Variants in ZSCAN25 observed in about 807,000 individuals in gnomAD.
The protein encoded by ZSCAN25 is zinc finger and SCAN domain containing 25, also known as zinc finger and SCAN domain-containing protein 25.
In ZSCAN25, 27 loss-of-function variants were observed where a neutral mutation model predicts 38.7. That is an observed-to-expected ratio of 0.70 (90% CI 0.51 to 0.96). The LOEUF (loss-of-function observed/expected upper bound fraction) is 0.96. ZSCAN25 is among the 40% of genes least tolerant of loss of function. The probability of loss-of-function intolerance (pLI) is 0.00; values close to 1 mark genes in which losing one functional copy is unlikely to be tolerated. For missense variants in ZSCAN25, 637 were observed against 705.9 expected, an observed-to-expected ratio of 0.90 and a Z score of 1.11; for synonymous variants, 273 against 277.7, an observed-to-expected ratio of 0.98 and a Z score of 0.17.
the ZSCAN25 span, chr7:99,660,403 T>A: frequency 6.7e-7 from 1 of 1,486,056 alleles, no homozygotes; most frequent in Admixed American, 2.4e-5. Flanking sequence ...GAATCAGTGA[T>A]TATGCTTTTT....
At chr7:99,713,637 T>C in the ZSCAN25 span, 20 of 1,516,842 alleles carry the variant, frequency 1.3e-5, no homozygotes, top group Non-Finnish European at 1.5e-5. Flanking sequence ...ATATAGCCCC[T>C]TGGAGACCAG....
chr7:99,623,321 G>A (rs1022283434), intron 6 of ZSCAN25, among the ~76,000 whole-genome samples: 7 of 152,172 alleles, frequency 4.6e-5, no homozygotes, highest in Non-Finnish European at 7.3e-5. Context: ...TGGTCTCTTT[G>A]GCCATACAGG....
the ZSCAN25 span, among the ~76,000 whole-genome samples, chr7:99,637,925 T>A: frequency 2.0e-5 from 3 of 151,882 alleles, no homozygotes; most frequent in Non-Finnish European, 4.4e-5. Context: ...TCTCTCGAAA[T>A]AAAAAAAATC....
the ZSCAN25 span, chr7:99,662,901 A>T: frequency 3.1e-6 from 5 of 1,613,242 alleles, no homozygotes; most frequent in East Asian, 8.9e-5. This position sits in a 1 kb window ranked among gnomAD's most constrained non-coding sequence, Gnocchi z 4.3. Flanking sequence ...AAAAGGAGAG[A>T]TTTCTTTGGC....
At chr7:99,643,739 G>A in the ZSCAN25 span, among the ~76,000 whole-genome samples, 1 of 151,882 alleles carries the variant, frequency 6.6e-6, no homozygotes, top group African/African-American at 2.4e-5. Flanking sequence ...CACTGGGGAA[G>A]GGAGTTGTGA....
At chr7:99,667,026 A>G in the ZSCAN25 span, 1 of 1,614,136 alleles carries the variant, frequency 6.2e-7, no homozygotes, top group Non-Finnish European at 8.5e-7. Flanking sequence ...TCCTCAGCTA[A>G]AGAGATGGCA....
chr7:99,676,018 C>T, the ZSCAN25 span: 2 of 1,028,388 alleles, frequency 1.9e-6, no homozygotes, highest in Non-Finnish European at 3.0e-6. Context: ...AAATGTGAAA[C>T]CTCAGAACTC....
At chr7:99,679,306 G>A in the ZSCAN25 span, among the ~76,000 whole-genome samples, 80 of 152,212 alleles carry the variant, frequency 5.3e-4, no homozygotes, top group Middle Eastern at 3.4e-3. Flanking sequence ...CCCCTGGTGC[G>A]TTATGTAAAT....
chr7:99,660,160 G>T, the ZSCAN25 span: 1 of 907,414 alleles, frequency 1.1e-6, no homozygotes, highest in Non-Finnish European at 1.3e-6. Context: ...TGTTGCTCAC[G>T]CTGGGAGCTG....
chr7:99,731,025 T>G, the ZSCAN25 span: 3 of 1,612,148 alleles, frequency 1.9e-6, no homozygotes, highest in East Asian at 6.7e-5. Flanking sequence ...TTTGCAATCA[T>G]AAGAAGCAAA....
At position 99,631,342 on chromosome 7, in the gene ZSCAN25, T is replaced by C. The variant is rs1807982594; in HGVS notation, c.*1322T>C. The C allele has an allele frequency of 6.1e-6, 6 of 984,756 alleles. No individual in the cohort carries two copies. Among genetic ancestry groups the C allele is most frequent in the Non-Finnish European group, 6.0e-6 (5 of 829,766 alleles). The allele number at this position is 984,756 out of a possible 1,614,324, so 61.0% of individuals were successfully genotyped here. A position where few individuals can be genotyped will look rare whatever the true frequency, so the allele number is the denominator to read the frequency against. On this transcript the variant is annotated 3_prime_UTR_variant, in exon 8 of 8. Coordinates refer to ENST00000394152, the MANE Select transcript of ZSCAN25 (RefSeq NM_145115.3). The stretch of plus-strand genomic sequence containing the variant: ...TGCCAAGTCAGGAAAAATAAAGATA[T>C]TTGTAGGCATTAAAAAAAAATACAT...
the ZSCAN25 span, among the ~76,000 whole-genome samples, chr7:99,678,700 T>C: frequency 2.0e-5 from 3 of 152,256 alleles, no homozygotes; most frequent in Non-Finnish European, 4.4e-5. Context: ...ATTTAAACCA[T>C]ATCAATTCAT....
rs1450303225 is a variant in ZSCAN25 at position 99,619,550 on chromosome 7, G to C, written c.-46-11G>C. 1 of 1,540,146 alleles carries C rather than the reference G, an allele frequency of 6.5e-7. No individual in the cohort carries two copies. Among genetic ancestry groups the C allele is most frequent in the African/African-American group, 1.4e-5 (1 of 72,686 alleles). On this transcript the variant is annotated splice_polypyrimidine_tract_variant and intron_variant, in intron 3 of 7. Coordinates refer to ENST00000394152, the MANE Select transcript of ZSCAN25 (RefSeq NM_145115.3). ...TGGGCTGACCTTTCATGTGTCTCTT[G>C]TTCTCAAAAGGGTCATTGATGCAGT...
chr7:99,696,531 A>G, the ZSCAN25 span, among the ~76,000 whole-genome samples: 29 of 152,198 alleles, frequency 1.9e-4, no homozygotes, highest in African/African-American at 6.7e-4. Context: ...GCTACACCTC[A>G]GTCTCTGTGG....
chr7:99,736,209 A>T, the ZSCAN25 span, among the ~76,000 whole-genome samples: 2 of 152,188 alleles, frequency 1.3e-5, no homozygotes, highest in African/African-American at 4.8e-5. Flanking sequence ...GTCTGGAAAC[A>T]GTAGGGGAGA....
the ZSCAN25 span, among the ~76,000 whole-genome samples, chr7:99,723,952 C>T: frequency 6.6e-6 from 1 of 152,208 alleles, no homozygotes; most frequent in East Asian, 1.9e-4. Context: ...GGTATCTGAT[C>T]ACTGTGGGGA....
the ZSCAN25 span, chr7:99,674,477 G>A: frequency 7.1e-7 from 1 of 1,415,274 alleles, no homozygotes; most frequent in South Asian, 1.2e-5. Flanking sequence ...ATCCTGCAGT[G>A]GGGTAACCTC....
At chr7:99,702,019 A>G in the ZSCAN25 span, among the ~76,000 whole-genome samples, 1 of 151,092 alleles carries the variant, frequency 6.6e-6, no homozygotes, top group Non-Finnish European at 1.5e-5. Flanking sequence ...TTTTTTGTTC[A>G]GACCAATGTC....
the ZSCAN25 span, among the ~76,000 whole-genome samples, chr7:99,644,110 G>A: frequency 1.3e-5 from 2 of 152,070 alleles, no homozygotes; most frequent in African/African-American, 4.8e-5. Context: ...TGCTGTCATC[G>A]TCCTTGTCAT....
Sources: allele counts gnomAD v4.1 joint callset (sites outside exome capture counted in the v4.1 genomes callset), GRCh38; gene constraint gnomAD v4.1.1; non-coding constraint Gnocchi (gnomAD v3.1); transcripts MANE v1.5; gene names NCBI Gene and HGNC (gene_info 2026-07-23, HGNC 2026-07-21).